Variants in SYNE2 observed in about 807,000 individuals in gnomAD.
SYNE2 encodes spectrin repeat containing nuclear envelope protein 2, also known as nesprin-2.
Under a neutral mutation model 856.3 loss-of-function variants are expected in SYNE2, and 431 were observed. The observed-to-expected ratio is 0.50, with a 90% CI of 0.47 to 0.55. SYNE2 has a LOEUF of 0.55. Ranked by LOEUF, SYNE2 falls within the 20% of genes least tolerant of loss-of-function variation. The pLI is 0.00. For missense variants in SYNE2, 8,129 were observed against 8,023.2 expected (o/e 1.01, Z -0.50); for synonymous variants, 2,923 against 2,872.3 (o/e 1.02, Z -0.56).
chr14:63,902,568 G>T (rs184022393), intron 1 of SYNE2, among the ~76,000 whole-genome samples: 1 of 152,154 alleles, frequency 6.6e-6, no homozygotes. Flanking sequence ...GGGCACAGCC[G>T]CTGTGTTCTC....
At chr14:63,763,234 C>G (rs1886555942) in intron 1 of SYNE2, among the ~76,000 whole-genome samples, 1 of 152,198 alleles carries the variant, frequency 6.6e-6, no homozygotes, top group Non-Finnish European at 1.5e-5. Context: ...TCCCAAAGTG[C>G]TGGGATTATA....
In SYNE2 at chr14:63,937,982, G is replaced by A. The variant is rs556480260; in HGVS notation, c.80-2632G>A. ...GTTGGGGCACTAGAGTGAGTGAACT[G>A]AATGGAGATGCATGAACTTGAGATC... On this transcript the variant is annotated intron_variant, in intron 2 of 115. Coordinates refer to ENST00000555002, the MANE Select transcript of SYNE2 (RefSeq NM_182914.3). Among the ~76,000 whole-genome samples, 19 of 152,282 alleles carry A rather than the reference G, an allele frequency of 1.2e-4. No homozygotes were observed. The South Asian group carries it at 3.5e-3, about 28-fold the overall frequency.
intron 1 of SYNE2, among the ~76,000 whole-genome samples, chr14:63,774,300 G>C (rs1887027732): frequency 6.6e-6 from 1 of 151,824 alleles, no homozygotes; most frequent in Admixed American, 6.6e-5. Flanking sequence ...GAAACCCCAT[G>C]TCTACTAAAG....
intron 21 of SYNE2, among the ~76,000 whole-genome samples, chr14:63,991,979 T>G (rs2096670380): frequency 6.6e-6 from 1 of 152,116 alleles, no homozygotes; most frequent in African/African-American, 2.4e-5. Context: ...GCCTACTGGA[T>G]TTGCTAACCA....
At chr14:64,036,007 CA>C (rs902228979) in intron 45 of SYNE2, among the ~76,000 whole-genome samples, 2 of 151,578 alleles carry the variant, frequency 1.3e-5, no homozygotes, top group African/African-American at 4.8e-5. Context: ...AATTCAGATC[CA>C]AAAAAGTTTG....
intron 1 of SYNE2, among the ~76,000 whole-genome samples, chr14:63,783,534 C>T (rs966389756): frequency 5.9e-5 from 9 of 152,152 alleles, no homozygotes; most frequent in Admixed American, 1.3e-4. Context: ...CACGCCACGA[C>T]GGTCTCGGAG....
intron 84 of SYNE2, among the ~76,000 whole-genome samples, chr14:64,151,035 G>A (rs1171886106): frequency 6.6e-6 from 1 of 152,080 alleles, no homozygotes; most frequent in Admixed American, 6.5e-5. Flanking sequence ...ATATTCATGT[G>A]GCTCTAAATT....
In SYNE2 at chr14:64,065,594, G is replaced by C; in HGVS notation, c.10375G>C (p.Glu3459Gln). The C allele has an allele frequency of 6.2e-7, 1 of 1,614,228 alleles. No individual in the cohort carries two copies. Among genetic ancestry groups the C allele is most frequent in the Non-Finnish European group, 8.5e-7 (1 of 1,180,046 alleles). ...GCTGAGTTTGCTGGAAGCTGCTAAA[G>C]AGTGGGAGATGTGGTGCGAAGAACT... ...KWLSLLEAAK[E>Q]WEMWCEELKQ... Residue 3459 changes from glutamate (E) to glutamine (Q), a missense_variant, in exon 51 of 116, where the codon GAG becomes CAG. Physicochemically the swap from Glu to Gln is conservative, Grantham distance 29. Transcript: ENST00000555002.
chr14:64,076,257 G>A (rs1417990811), intron 54 of SYNE2, among the ~76,000 whole-genome samples, 157 bp downstream of exon 54: 1 of 152,120 alleles, frequency 6.6e-6, no homozygotes, highest in African/African-American at 2.4e-5. Context: ...CTAAGATAAA[G>A]ATGCTCTAAA....
At chr14:64,160,250 G>A (rs947588553) in intron 87 of SYNE2, among the ~76,000 whole-genome samples, 4 of 152,186 alleles carry the variant, frequency 2.6e-5, no homozygotes, top group African/African-American at 7.2e-5. Context: ...CCGTCAAAAC[G>A]TATGGCAGGG....
chr14:63,835,568 T>C (rs1595158093), intron 1 of SYNE2, among the ~76,000 whole-genome samples: 1 of 20,608 alleles, frequency 4.9e-5, no homozygotes, highest in South Asian at 3.6e-3. Flanking sequence ...GATATTTGCG[T>C]GTGTGTGTGT....
At chr14:64,193,156 G>C (rs543662779) in intron 99 of SYNE2, among the ~76,000 whole-genome samples, 1 of 152,212 alleles carries the variant, frequency 6.6e-6, no homozygotes, top group Non-Finnish European at 1.5e-5. Flanking sequence ...TGCCCTGATG[G>C]CTTCATTTGC....
intron 3 of SYNE2, 141 bp from the exon 4 acceptor site, chr14:63,941,554 G>C: frequency 1.4e-6 from 1 of 700,966 alleles, no homozygotes; most frequent in Non-Finnish European, 2.5e-6. Flanking sequence ...ATGAATCTTT[G>C]CATGTTCTCT....
In SYNE2 at chr14:64,187,605, G is replaced by A. The variant is rs538377793; in HGVS notation, c.17713-945G>A. On this transcript the variant is annotated intron_variant, in intron 97 of 115. Coordinates refer to ENST00000555002, the MANE Select transcript of SYNE2 (RefSeq NM_182914.3). ...TTTTCAAGCCTTTTTAACACGTTTGGCTGGCTAGGATATATAAGCATTCAG... is the reference window on the plus strand; with the variant it reads ...TTTTCAAGCCTTTTTAACACGTTTGACTGGCTAGGATATATAAGCATTCAG... Among the ~76,000 whole-genome samples the A allele has an allele frequency of 5.9e-4, 90 of 152,246 alleles. No homozygotes were observed. The South Asian group carries it at 8.7e-3, about 15-fold the overall frequency.
chr14:63,915,961 A>G (rs2095528863), intron 2 of SYNE2, among the ~76,000 whole-genome samples: 1 of 151,888 alleles, frequency 6.6e-6, no homozygotes, highest in Non-Finnish European at 1.5e-5. Context: ...AATTTTATTC[A>G]TTTACTCTGT....
At chr14:63,793,500 G>A (rs1310008472) in intron 1 of SYNE2, among the ~76,000 whole-genome samples, 1 of 152,192 alleles carries the variant, frequency 6.6e-6, no homozygotes, top group East Asian at 1.9e-4. Context: ...TGAAAGTCGA[G>A]TTAGCTCTTG....
In SYNE2 at chr14:64,165,409, T is replaced by A. The variant is rs2098368827; in HGVS notation, c.16604T>A (p.Leu5535Gln). Residue 5535 changes from leucine (L) to glutamine (Q), a missense_variant and splice_region_variant, in exon 90 of 116, where the codon CTG becomes CAG. Physicochemically the swap from Leu to Gln is moderately radical, Grantham distance 113. This residue lies in a region of SYNE2 where 5,410 missense variants were observed against 5,284.8 expected (regional missense o/e 1.02). Coordinates refer to ENST00000555002, the MANE Select transcript of SYNE2 (RefSeq NM_182914.3). ...GAAAAAGAAAATCCTGACTCATTCC[T>A]GGTATTGCCAATATTTGTCTTTTCT... ...QQEKENPDSFLNHVLALTAQS... is the reference protein window; with the variant it reads ...QQEKENPDSFQNHVLALTAQS... The A allele has an allele frequency of 6.2e-7, 1 of 1,613,640 alleles. No homozygotes were observed. Among genetic ancestry groups the A allele is most frequent in the Non-Finnish European group, 8.5e-7 (1 of 1,179,878 alleles).
Position 64,208,769 on chromosome 14 carries a change from A to G in SYNE2, c.18213A>G (p.Arg6071=). ...TGTTGTAATCACAGGATCTACAGCGAGATATTGAACAACACAGCGCAGGGG... is the reference window on the plus strand; with the variant it reads ...TGTTGTAATCACAGGATCTACAGCGGGATATTGAACAACACAGCGCAGGGG... The part of the protein sequence containing the change: ...KRLAEQQDLQ[R]DIEQHSAGVE... The change falls in exon 101 of 116, where the codon CGA becomes CGG. Residue 6071 remains arginine, a synonymous_variant. Coordinates refer to ENST00000555002, the MANE Select transcript of SYNE2 (RefSeq NM_182914.3). The G allele has an allele frequency of 1.9e-6, 3 of 1,614,208 alleles. No homozygotes were observed. In the South Asian group the frequency reaches 3.3e-5, roughly 18 times the overall value.
chr14:64,206,458 A>T (rs1028378239), intron 100 of SYNE2, among the ~76,000 whole-genome samples: 10 of 144,328 alleles, frequency 6.9e-5, no homozygotes, highest in Non-Finnish European at 9.2e-5. Context: ...CACTTTATTT[A>T]TTTTTTTTTT....
Sources: gnomAD v4.1 joint callset for allele counts (sites outside exome capture counted in the v4.1 genomes callset) on GRCh38, gnomAD v4.1.1 for gene constraint, gnomAD v4.1.1 regional missense constraint, MANE v1.5 for transcripts, NCBI Gene and HGNC (gene_info 2026-07-23, HGNC 2026-07-21) for gene names.